The following USP47 variants were observed in gnomAD, a reference collection of about 807,000 sequenced individuals.
USP47 encodes ubiquitin carboxyl-terminal hydrolase 47.
Under a neutral mutation model 165.1 loss-of-function variants are expected in USP47, and 35 were observed. The ratio of observed to expected loss-of-function variants is 0.21; its 90% confidence interval spans 0.16 to 0.28. USP47 has a LOEUF of 0.28. Ranked by LOEUF, USP47 falls within the 10% of genes least tolerant of loss-of-function variation. The pLI, the probability that USP47 is intolerant of heterozygous loss-of-function variation, is 1.00. For synonymous variants in USP47, 531 were observed against 544.5 expected (o/e 0.98, Z 0.35); for missense variants, 1,277 against 1,607.4 (o/e 0.79, Z 3.52).
At chr11:11,933,979 G>A (rs1475392167) in intron 16 of USP47, 44 bp downstream of exon 16, 1 of 1,408,230 alleles carries the variant, frequency 7.1e-7, no homozygotes, top group African/African-American at 1.4e-5. Context: ...TAATACAACA[G>A]TATTAACATA....
intron 1 of USP47, among the ~76,000 whole-genome samples, chr11:11,877,867 G>GCA (rs1850575473): frequency 2.2e-5 from 3 of 134,120 alleles, no homozygotes; most frequent in African/African-American, 9.4e-5. Context: ...GTGCGCGCGC[G>GCA]CAGATAAGAT....
chr11:11,871,349 A>C (rs1850029962), intron 1 of USP47, among the ~76,000 whole-genome samples: 1 of 151,776 alleles, frequency 6.6e-6, no homozygotes, highest in Admixed American at 6.6e-5. Context: ...TAAAAAATGC[A>C]AAAATTAGCT....
At chr11:11,904,262 G>A (rs2134459496) in intron 7 of USP47, among the ~76,000 whole-genome samples, 1 of 152,276 alleles carries the variant, frequency 6.6e-6, no homozygotes, top group East Asian at 1.9e-4. Context: ...AGGTGAAGAA[G>A]ACAATCACAT....
chr11:11,948,187 C>A, intron 21 of USP47, 67 bp downstream of exon 21: 1 of 1,507,800 alleles, frequency 6.6e-7, no homozygotes, highest in Non-Finnish European at 8.9e-7. Flanking sequence ...ACAGCTTTTA[C>A]TACTTCCAAG....
rs1847378467 is a variant in USP47 at position 11,959,895 on chromosome 11, C to T, written c.*3720C>T. ...GGTGGGCACCAAGCTCCCCTTCCCT[C>T]TGCTTTCCATGTTTCCCACCTGCCC... is the stretch of plus-strand genomic sequence containing the variant. On this transcript the variant is annotated 3_prime_UTR_variant, in exon 28 of 28. Transcript: ENST00000527733. Among the ~76,000 whole-genome samples the T allele has an allele frequency of 6.6e-6, 1 of 152,200 alleles. No individual in the cohort carries two copies. Among genetic ancestry groups the T allele is most frequent in the African/African-American group, 2.4e-5 (1 of 41,458 alleles).
intron 1 of USP47, among the ~76,000 whole-genome samples, chr11:11,871,809 A>G (rs1850086153): frequency 6.6e-6 from 1 of 150,882 alleles, no homozygotes; most frequent in Non-Finnish European, 1.5e-5. Context: ...CTCCACCTGC[A>G]CTCTCCCTCC....
intron 14 of USP47, among the ~76,000 whole-genome samples, chr11:11,932,422 T>C (rs73413240): frequency 1.4e-3 from 219 of 152,260 alleles, no homozygotes; most frequent in African/African-American, 5.2e-3. Flanking sequence ...AGAAATCCAA[T>C]AGATGAAGGT....
intron 8 of USP47, among the ~76,000 whole-genome samples, chr11:11,906,211 C>T (rs1363877046): frequency 1.3e-5 from 2 of 151,804 alleles, no homozygotes; most frequent in East Asian, 1.9e-4. Context: ...TTTACTTATA[C>T]GACAGGAAAA....
At chr11:11,911,189 G>A (rs1468819086) in intron 8 of USP47, among the ~76,000 whole-genome samples, 1 of 152,116 alleles carries the variant, frequency 6.6e-6, no homozygotes, top group Non-Finnish European at 1.5e-5. Flanking sequence ...ACAGCAGAGA[G>A]AAGATAGACT....
At chr11:11,871,501 CAAAAAAAAAAAAAAAAAAAAAAAAAAAAA>C (rs71037046) in intron 1 of USP47, among the ~76,000 whole-genome samples, 1 of 63,098 alleles carries the variant, frequency 1.6e-5, no homozygotes, top group Non-Finnish European at 3.4e-5. Context: ...AACTCCCTCT[CAAAAAAAAAAAAAAAAAAAAAAAAAAAAA>C]AAAAAAAAGA....
At chr11:11,915,714 G>A (rs61676983) in intron 8 of USP47, among the ~76,000 whole-genome samples, 1 of 152,036 alleles carries the variant, frequency 6.6e-6, no homozygotes. Context: ...AAGTATATAG[G>A]CCTTTTCCTA....
chr11:11,884,743 A>G (rs747797930), intron 3 of USP47, 163 bp downstream of exon 3: 2 of 542,104 alleles, frequency 3.7e-6, no homozygotes, highest in Non-Finnish European at 6.5e-6. Flanking sequence ...AGAATAACAT[A>G]GTTACACTGG....
chr11:11,948,063 A>G lies in USP47; in HGVS notation c.3210A>G (p.Gln1070=), dbSNP rs1292679584. 2.5e-6 allele frequency: 4 copies of G among 1,613,596 alleles called. No individual in the cohort carries two copies. The highest frequency in any genetic ancestry group is 3.4e-6 in the Non-Finnish European group (4 of 1,179,834). Residue 1070 remains glutamine, a synonymous_variant, in exon 21 of 28, where the codon CAA becomes CAG. Coordinates refer to ENST00000527733, the MANE Select transcript of USP47 (RefSeq NM_001282659.2). Reference sequence around the variant, plus strand: ...TCTTTCGAGTGTATGCCAGCAATCAAGAGTTTGAGAGCGTCCGGCTGAATG... The same window carrying G: ...TCTTTCGAGTGTATGCCAGCAATCAGGAGTTTGAGAGCGTCCGGCTGAATG... ...FKVFRVYASN[Q]EFESVRLNET...
chr11:11,945,798 G>A (rs192338819), intron 20 of USP47, among the ~76,000 whole-genome samples: 6 of 151,868 alleles, frequency 4.0e-5, no homozygotes, highest in East Asian at 3.9e-4. Context: ...ATTAGCCAGC[G>A]TGGTCATGTG....
intron 5 of USP47, 30 bp downstream of exon 5, chr11:11,897,723 A>C: frequency 2.1e-6 from 3 of 1,436,374 alleles, no homozygotes; most frequent in Non-Finnish European, 2.9e-6. Context: ...GTATACATAA[A>C]ATTGATTTAA....
intron 1 of USP47, among the ~76,000 whole-genome samples, chr11:11,866,676 T>C (rs1297049976): frequency 6.6e-6 from 1 of 152,164 alleles, no homozygotes; most frequent in Non-Finnish European, 1.5e-5. Flanking sequence ...TTAATGATAA[T>C]CTATTGGTGA....
chr11:11,872,749 T>C (rs183453973), intron 1 of USP47, among the ~76,000 whole-genome samples: 1 of 152,294 alleles, frequency 6.6e-6, no homozygotes, highest in East Asian at 1.9e-4. Context: ...TATTAAAAAT[T>C]CTAAAAATGC....
At chr11:11,937,469 G>A (rs1402634481) in intron 17 of USP47, among the ~76,000 whole-genome samples, 2 of 151,572 alleles carry the variant, frequency 1.3e-5, no homozygotes, top group African/African-American at 2.4e-5. Flanking sequence ...AGGAGTCTAC[G>A]GCTCTTAAGT....
At chr11:11,842,291 G>A in intron 1 of USP47, 67 bp downstream of exon 1, 2 of 1,512,886 alleles carry the variant, frequency 1.3e-6, no homozygotes, top group Non-Finnish European at 8.9e-7. Context: ...GGCCCGGGCC[G>A]GGGTTCGGCT....
Sources: allele counts gnomAD v4.1 joint callset (sites outside exome capture counted in the v4.1 genomes callset), GRCh38; gene constraint gnomAD v4.1.1; transcripts MANE v1.5; gene names NCBI Gene and HGNC (gene_info 2026-07-23, HGNC 2026-07-21).